The following MDGA2 variants were observed in gnomAD, a reference collection of about 807,000 sequenced individuals.
The protein encoded by MDGA2 is MAM domain-containing glycosylphosphatidylinositol anchor protein 2.
MDGA2 carries 40 observed loss-of-function variants against 117.8 expected under a neutral mutation model. That is an observed-to-expected ratio of 0.34 (90% CI 0.26 to 0.44). The LOEUF (loss-of-function observed/expected upper bound fraction) is 0.44. Among genes scored for constraint, MDGA2 ranks in the 20% least tolerant of loss-of-function variants. MDGA2 has a pLI of 1.00. For synonymous variants in MDGA2, 452 were observed against 439.0 expected (o/e 1.03, Z -0.37); for missense variants, 1,123 against 1,250.6 (o/e 0.90, Z 1.54).
chr14:47,493,724 A>G (rs555253148), intron 1 of MDGA2, among the ~76,000 whole-genome samples: 112 of 152,326 alleles, frequency 7.4e-4, no homozygotes, highest in African/African-American at 2.6e-3. Context: ...TTTCTCTCCC[A>G]TAGATAATTA....
intron 1 of MDGA2, among the ~76,000 whole-genome samples, chr14:47,498,705 T>C (rs963358595): frequency 6.6e-6 from 1 of 152,064 alleles, no homozygotes; most frequent in Non-Finnish European, 1.5e-5. Flanking sequence ...ACATTAGCAA[T>C]GTATATGAAA....
chr14:46,913,425 C>T (rs1349778591), intron 10 of MDGA2, among the ~76,000 whole-genome samples: 1 of 152,090 alleles, frequency 6.6e-6, no homozygotes, highest in Admixed American at 6.6e-5. Flanking sequence ...GCAATAAAAT[C>T]TATCTAAATG....
At chr14:47,199,105 T>G (rs1885396544) in intron 3 of MDGA2, among the ~76,000 whole-genome samples, 1 of 152,040 alleles carries the variant, frequency 6.6e-6, no homozygotes, top group Non-Finnish European at 1.5e-5. Flanking sequence ...TCCATCCTAC[T>G]GACCTGCCTT....
intron 7 of MDGA2, among the ~76,000 whole-genome samples, chr14:47,055,042 CCAGG>C (rs1173010855): frequency 6.9e-6 from 1 of 145,340 alleles, no homozygotes; most frequent in Non-Finnish European, 1.5e-5. Context: ...ACTCTGTCAC[CCAGG>C]CAATTTTTAT....
At chr14:47,036,051 C>T (rs1055069500) in intron 7 of MDGA2, among the ~76,000 whole-genome samples, 5 of 151,798 alleles carry the variant, frequency 3.3e-5, no homozygotes, top group African/African-American at 1.2e-4. Flanking sequence ...AGGAGGATCA[C>T]GAGGTCAGGA....
At chr14:47,370,341 A>G (rs1289564061) in intron 1 of MDGA2, among the ~76,000 whole-genome samples, 1 of 151,368 alleles carries the variant, frequency 6.6e-6, no homozygotes, top group Non-Finnish European at 1.5e-5. Flanking sequence ...AGAGAAAGAG[A>G]GGACTAAATG....
chr14:47,490,210 C>T (rs1213559268), intron 1 of MDGA2, among the ~76,000 whole-genome samples: 1 of 152,018 alleles, frequency 6.6e-6, no homozygotes, highest in Non-Finnish European at 1.5e-5. Context: ...AGTATTTTTG[C>T]ATTCTAGTTT....
intron 1 of MDGA2, among the ~76,000 whole-genome samples, chr14:47,404,675 G>C (rs1262934336): frequency 6.6e-6 from 1 of 151,822 alleles, no homozygotes; most frequent in African/African-American, 2.4e-5. Context: ...TTTATTTTTT[G>C]TGGAGATAGG....
chr14:47,613,588 C>T (rs962825431), intron 1 of MDGA2, among the ~76,000 whole-genome samples: 3 of 151,966 alleles, frequency 2.0e-5, no homozygotes, highest in African/African-American at 4.8e-5. Flanking sequence ...AAGAGAGATT[C>T]ACTTCATATT....
At chr14:47,071,309 G>C (rs904575675) in intron 6 of MDGA2, among the ~76,000 whole-genome samples, 2 of 152,138 alleles carry the variant, frequency 1.3e-5, no homozygotes, top group African/African-American at 4.8e-5. Flanking sequence ...TTAATGCCCT[G>C]CAGGTATAGA....
chr14:47,664,745 A>C (rs1317285425), intron 1 of MDGA2, among the ~76,000 whole-genome samples: 1 of 152,208 alleles, frequency 6.6e-6, no homozygotes, highest in Non-Finnish European at 1.5e-5. Context: ...GAACGAAATG[A>C]TTTTAGTCAT....
chr14:46,978,099 T>C (rs982380638), intron 8 of MDGA2, among the ~76,000 whole-genome samples: 1 of 151,930 alleles, frequency 6.6e-6, no homozygotes. Context: ...CTAGGTATAA[T>C]AGTTTCAACA....
chr14:47,571,227 T>C (rs1355151674), intron 1 of MDGA2, among the ~76,000 whole-genome samples: 1 of 152,126 alleles, frequency 6.6e-6, no homozygotes, highest in East Asian at 1.9e-4. Flanking sequence ...CTGGTTAGAA[T>C]TGTGATCATT....
At chr14:47,225,579 G>A (rs930146998) in intron 2 of MDGA2, among the ~76,000 whole-genome samples, 13 of 150,466 alleles carry the variant, frequency 8.6e-5, no homozygotes, top group African/African-American at 1.5e-4. Context: ...ACCAAACACC[G>A]CATGTTCTCA....
At chr14:47,587,563 C>T (rs1896349129) in intron 1 of MDGA2, among the ~76,000 whole-genome samples, 1 of 151,812 alleles carries the variant, frequency 6.6e-6, no homozygotes, top group Admixed American at 6.6e-5. Context: ...TATGTTCCTA[C>T]TTAGATATCT....
intron 3 of MDGA2, among the ~76,000 whole-genome samples, chr14:47,193,781 G>C (rs1885195678): frequency 6.6e-6 from 1 of 152,126 alleles, no homozygotes. Context: ...GCTTTTCAGA[G>C]GCGTCCTTCA....
chr14:47,525,013 C>G (rs1401769897), intron 1 of MDGA2, among the ~76,000 whole-genome samples: 1 of 152,146 alleles, frequency 6.6e-6, no homozygotes, highest in Non-Finnish European at 1.5e-5. Context: ...GAAGCTTTGT[C>G]CTCTAAATCC....
chr14:47,324,176 C>A (rs543475350), intron 1 of MDGA2, among the ~76,000 whole-genome samples: 78 of 151,942 alleles, frequency 5.1e-4, no homozygotes, highest in African/African-American at 1.9e-3. Flanking sequence ...ACCCAGGAGG[C>A]GAAGCTTGCA....
intron 3 of MDGA2, among the ~76,000 whole-genome samples, chr14:47,152,206 G>A (rs1883188831): frequency 6.6e-6 from 1 of 152,112 alleles, no homozygotes; most frequent in South Asian, 2.1e-4. Flanking sequence ...AGGTTTTGAT[G>A]TAATGGTAAG....
Sources: gnomAD v4.1 joint callset for allele counts (sites outside exome capture counted in the v4.1 genomes callset) on GRCh38, gnomAD v4.1.1 for gene constraint, MANE v1.5 for transcripts, NCBI Gene and HGNC (gene_info 2026-07-23, HGNC 2026-07-21) for gene names.